ITGAE: variants seen among roughly 807,000 people sequenced by gnomAD.
ITGAE encodes the protein integrin alpha-E.
In ITGAE, 99 loss-of-function variants were observed where a neutral mutation model predicts 136.5. That is an observed-to-expected ratio of 0.73 (90% CI 0.62 to 0.86). The LOEUF (loss-of-function observed/expected upper bound fraction) is 0.86, where lower values mean the gene tolerates loss of function less well. Among genes scored for constraint, ITGAE ranks in the 40% least tolerant of loss-of-function variants. ITGAE has a pLI of 0.00. For synonymous variants in ITGAE, 613 were observed against 591.8 expected (o/e 1.04, Z -0.52); for missense variants, 1,447 against 1,515.3 (o/e 0.95, Z 0.75).
chr17:3,779,471 G>A (rs1343216465), intron 1 of ITGAE, among the ~76,000 whole-genome samples: 1 of 151,998 alleles, frequency 6.6e-6, no homozygotes, highest in Non-Finnish European at 1.5e-5. Context: ...GGGATTACAG[G>A]CGCCTGCCAC....
At chr17:3,781,935 C>T (rs1213366109) in intron 1 of ITGAE, among the ~76,000 whole-genome samples, 1 of 151,968 alleles carries the variant, frequency 6.6e-6, no homozygotes, top group African/African-American at 2.4e-5. Context: ...AAGACTTGTA[C>T]TTCTGGATAC....
intron 14 of ITGAE, 81 bp from the exon 15 acceptor site, chr17:3,751,955 G>A (rs747804915): frequency 2.7e-5 from 33 of 1,238,804 alleles, no homozygotes; most frequent in Non-Finnish European, 3.6e-5. Flanking sequence ...CACGCTCACT[G>A]GGCCGGTGGG....
chr17:3,748,468 T>TC (rs1459503379), intron 16 of ITGAE, among the ~76,000 whole-genome samples: 2 of 152,046 alleles, frequency 1.3e-5, no homozygotes, highest in African/African-American at 4.8e-5. Flanking sequence ...GCGCCTGTAA[T>TC]CCCACCTACT....
intron 27 of ITGAE, 37 bp from the exon 28 acceptor site, chr17:3,723,420 CGTGCGGAAAGTCTGAAATCTTT>C (rs2051101967): frequency 6.9e-7 from 1 of 1,455,670 alleles, no homozygotes; most frequent in East Asian, 2.3e-5. Flanking sequence ...AATTCCTTTC[CGTGCGGAAAGTCTGAAATCTTT>C]TTAACACTTC....
At chr17:3,730,121 C>G (rs1049703808) in intron 23 of ITGAE, among the ~76,000 whole-genome samples, 7 of 152,130 alleles carry the variant, frequency 4.6e-5, no homozygotes. Flanking sequence ...ACAGGTGCTT[C>G]TGCACCTGGC....
intron 2 of ITGAE, among the ~76,000 whole-genome samples, chr17:3,764,645 G>A (rs1050454978): frequency 1.3e-5 from 2 of 151,914 alleles, no homozygotes; most frequent in African/African-American, 4.8e-5. Context: ...TGCAGTGAGC[G>A]GAGATCACGC....
At chr17:3,796,031 G>A (rs1190732470) in intron 1 of ITGAE, among the ~76,000 whole-genome samples, 1 of 114,566 alleles carries the variant, frequency 8.7e-6, no homozygotes, top group African/African-American at 3.5e-5. Flanking sequence ...GCGTGTGTGC[G>A]TGTGCATCCG....
chr17:3,755,085 G>GCC (rs780419964), intron 12 of ITGAE, 32 bp downstream of exon 12: 1 of 1,564,774 alleles, frequency 6.4e-7, no homozygotes, highest in East Asian at 2.4e-5. Flanking sequence ...TCATCAGGTG[G>GCC]CCCCGCCCTC....
chr17:3,741,024 G>A (rs900678864), intron 19 of ITGAE, among the ~76,000 whole-genome samples: 39 of 151,598 alleles, frequency 2.6e-4, no homozygotes, highest in African/African-American at 9.2e-4. Context: ...AAAGCGTGGC[G>A]CTCTCTCTAA....
chr17:3,801,129 T>C lies in ITGAE; in HGVS notation c.16A>G (p.Thr6Ala), dbSNP rs1597383642. The C allele has an allele frequency of 1.2e-6, 2 of 1,612,066 alleles. No homozygotes were observed. Among genetic ancestry groups the C allele is most frequent in the East Asian group, 2.2e-5 (1 of 44,872 alleles). MWLFH[T>A]LLCIASLALL... ...GACTTACTGGCTATGCAGAGCAGAGTGTGGAAGAGCCACATCCTTGCTGGA... is the reference window on the plus strand; with the variant it reads ...GACTTACTGGCTATGCAGAGCAGAGCGTGGAAGAGCCACATCCTTGCTGGA... The change falls in exon 1 of 31, where the codon ACT (threonine) becomes GCT (alanine). Residue 6 changes from threonine (T) to alanine (A), a missense_variant. Thr to Ala is a moderately conservative substitution (Grantham distance 58). Transcript: ENST00000263087.
Position 3,755,146 on chromosome 17 carries a change from T to TCTG in ITGAE, c.1352_1354dup (p.Ala451dup), listed in dbSNP as rs773939087. The TCTG allele has an allele frequency of 6.9e-7, 1 of 1,455,930 alleles. No homozygotes were observed. 90.2% of individuals were successfully genotyped at this position (1,455,930 alleles called of 1,614,324 possible). On this transcript the variant is annotated inframe_insertion, in exon 12 of 31. Coordinates refer to ENST00000263087, the MANE Select transcript of ITGAE (RefSeq NM_002208.5). The stretch of plus-strand genomic sequence containing the variant: ...GTAGCTGTACTGCGCAGCCTCCGCG[T>TCTG]CTGCCGCCGCCGCCGCTGTCTGGTT...
chr17:3,800,952 C>A (rs1051759419), intron 1 of ITGAE, among the ~76,000 whole-genome samples, 159 bp downstream of exon 1: 1 of 152,218 alleles, frequency 6.6e-6, no homozygotes, highest in Non-Finnish European at 1.5e-5. Flanking sequence ...GGGCCCTGAC[C>A]CACCGAGCAA....
At chr17:3,737,472 G>C (rs976029650) in intron 20 of ITGAE, among the ~76,000 whole-genome samples, 7 of 152,102 alleles carry the variant, frequency 4.6e-5, no homozygotes, top group African/African-American at 1.7e-4. Flanking sequence ...CGGTGGCTGA[G>C]TGGTGCCATT....
intron 16 of ITGAE, among the ~76,000 whole-genome samples, chr17:3,748,811 T>C (rs1428767074): frequency 2.6e-5 from 4 of 151,990 alleles, no homozygotes; most frequent in Non-Finnish European, 5.9e-5. Flanking sequence ...AAGGTCAGCA[T>C]GCCTGGAATC....
chr17:3,786,031 G>A (rs975813510), intron 1 of ITGAE, among the ~76,000 whole-genome samples: 5 of 151,928 alleles, frequency 3.3e-5, no homozygotes, highest in East Asian at 1.9e-4. Context: ...GCCGGGCGTG[G>A]TGGCGGGCGC....
At chr17:3,753,758 G>T (rs769461908) in intron 13 of ITGAE, 25 bp downstream of exon 13, 2 of 1,613,528 alleles carry the variant, frequency 1.2e-6, no homozygotes, top group Non-Finnish European at 1.7e-6. Flanking sequence ...GGTCATAAGG[G>T]GTGGAGGCTT....
rs377213062 is a variant in ITGAE at position 3,770,110 on chromosome 17, C to A, written c.156-6150G>T. Among the ~76,000 whole-genome samples, 86 of 148,436 alleles carry A rather than the reference C, an allele frequency of 5.8e-4. 1 individual carries two copies. In the South Asian group the frequency reaches 0.014, roughly 25 times the overall value. On this transcript the variant is annotated intron_variant, in intron 2 of 30. Coordinates refer to ENST00000263087, the MANE Select transcript of ITGAE (RefSeq NM_002208.5). ...TCCTGTTCTCAGGGTTTATTTCTTTCTTTCTTTTTTTTTTTTTTCTTTTTT... is the reference window on the plus strand; with the variant it reads ...TCCTGTTCTCAGGGTTTATTTCTTTATTTCTTTTTTTTTTTTTTCTTTTTT...
At chr17:3,728,763 G>A (rs1413797481) in intron 24 of ITGAE, among the ~76,000 whole-genome samples, 1 of 151,472 alleles carries the variant, frequency 6.6e-6, no homozygotes, top group Non-Finnish European at 1.5e-5. Context: ...CGGGTGCAGT[G>A]GTTCATGCCT....
intron 8 of ITGAE, among the ~76,000 whole-genome samples, chr17:3,758,515 G>A (rs170212): frequency 6.6e-6 from 1 of 151,966 alleles, no homozygotes; most frequent in South Asian, 2.1e-4. Context: ...GCAATAGCAC[G>A]ATCTCAGCTC....
Sources: allele counts gnomAD v4.1 joint callset (sites outside exome capture counted in the v4.1 genomes callset), GRCh38; gene constraint gnomAD v4.1.1; transcripts MANE v1.5; gene names NCBI Gene and HGNC (gene_info 2026-07-23, HGNC 2026-07-21).